The following AFG1L variants were observed in gnomAD, a reference collection of about 807,000 sequenced individuals.
The protein encoded by AFG1L is AFG1 like ATPase.
A neutral mutation model predicts 62.2 loss-of-function variants in AFG1L; 53 were observed. The ratio of observed to expected loss-of-function variants is 0.85; its 90% CI spans 0.68 to 1.07. AFG1L has a LOEUF of 1.07. Among genes scored for constraint, AFG1L ranks in the 50% least tolerant of loss-of-function variants. The probability of loss-of-function intolerance (pLI) is 0.00; values close to 1 mark genes in which losing one functional copy is unlikely to be tolerated. For synonymous variants in AFG1L, 228 were observed against 210.3 expected (o/e 1.08, Z -0.73); for missense variants, 555 against 590.5 (o/e 0.94, Z 0.62).
chr6:108,471,465 CTTCTTTT>C (rs1286594875), intron 8 of AFG1L, among the ~76,000 whole-genome samples: 14 of 110,214 alleles, frequency 1.3e-4, no homozygotes, highest in African/African-American at 4.7e-4. Context: ...TCGTGTTCTT[CTTCTTTT>C]TTTTTTTTTT....
intron 8 of AFG1L, among the ~76,000 whole-genome samples, chr6:108,447,604 GTAAT>G (rs1271525256): frequency 6.6e-6 from 1 of 152,134 alleles, no homozygotes; most frequent in East Asian, 1.9e-4. Context: ...AATGTGTGAA[GTAAT>G]TAATTATTTG....
chr6:108,317,665 C>CT (rs1042830066), intron 1 of AFG1L, among the ~76,000 whole-genome samples: 3 of 152,124 alleles, frequency 2.0e-5, no homozygotes, highest in African/African-American at 7.2e-5. Flanking sequence ...TTCTTGTAGG[C>CT]TTTCATTAGT....
intron 2 of AFG1L, among the ~76,000 whole-genome samples, chr6:108,333,702 A>C (rs1395395282): frequency 6.6e-6 from 1 of 152,248 alleles, no homozygotes; most frequent in Non-Finnish European, 1.5e-5. Flanking sequence ...AGCAGATGCC[A>C]CAAGACTGGA....
intron 10 of AFG1L, among the ~76,000 whole-genome samples, chr6:108,496,001 A>G (rs894333335): frequency 6.6e-6 from 1 of 152,246 alleles, no homozygotes; most frequent in Non-Finnish European, 1.5e-5. Flanking sequence ...TTAGAATAAC[A>G]TACTCAAGGA....
At chr6:108,495,128 T>C (rs1450758665) in intron 10 of AFG1L, among the ~76,000 whole-genome samples, 1 of 152,146 alleles carries the variant, frequency 6.6e-6, no homozygotes, top group Non-Finnish European at 1.5e-5. Context: ...ATAAAAATAG[T>C]CTTAACATCA....
At chr6:108,418,770 C>T (rs1486199001) in intron 7 of AFG1L, among the ~76,000 whole-genome samples, 1 of 152,174 alleles carries the variant, frequency 6.6e-6, no homozygotes, top group Non-Finnish European at 1.5e-5. Context: ...CTTAAATGTA[C>T]ATTCACTGAA....
chr6:108,417,176 G>A (rs72938634), intron 7 of AFG1L, among the ~76,000 whole-genome samples: 7,133 of 151,146 alleles, frequency 0.047, 263 homozygotes, highest in South Asian at 0.18. Flanking sequence ...CCAGGCTGCA[G>A]TAAGCCACGA....
intron 10 of AFG1L, among the ~76,000 whole-genome samples, chr6:108,506,048 G>A (rs1449797575): frequency 6.6e-6 from 1 of 152,124 alleles, no homozygotes; most frequent in Non-Finnish European, 1.5e-5. Context: ...CCTGGACTGT[G>A]GTCACGGGTT....
chr6:108,464,179 G>A (rs1259967395), intron 8 of AFG1L, among the ~76,000 whole-genome samples: 1 of 152,160 alleles, frequency 6.6e-6, no homozygotes, highest in Admixed American at 6.5e-5. Flanking sequence ...CTGTTCCCTT[G>A]AGTCAATCCT....
chr6:108,356,584 A>G (rs1779296510), intron 4 of AFG1L, 106 bp from the exon 5 acceptor site: 1 of 698,512 alleles, frequency 1.4e-6, no homozygotes. Flanking sequence ...GTTTAAACTT[A>G]ATTTTATGTC....
chr6:108,444,091 T>A (rs1202193611), intron 7 of AFG1L, among the ~76,000 whole-genome samples: 2 of 151,664 alleles, frequency 1.3e-5, no homozygotes, highest in Non-Finnish European at 2.9e-5. Flanking sequence ...TATCTATCTA[T>A]CTATCTATCT....
chr6:108,485,660 T>TA (rs1773543907), intron 10 of AFG1L, among the ~76,000 whole-genome samples: 1 of 17,694 alleles, frequency 5.7e-5, no homozygotes, highest in African/African-American at 2.1e-4. Context: ...ATATATATTT[T>TA]TTTTTTTTTT....
At chr6:108,401,145 T>A (rs1582522993) in intron 6 of AFG1L, among the ~76,000 whole-genome samples, 1 of 146,576 alleles carries the variant, frequency 6.8e-6, no homozygotes, top group African/African-American at 2.5e-5. Context: ...TTTTTTTTTT[T>A]TTTTTTTTGA....
At chr6:108,471,688 T>G (rs921659785) in intron 8 of AFG1L, among the ~76,000 whole-genome samples, 1 of 152,098 alleles carries the variant, frequency 6.6e-6, no homozygotes, top group Non-Finnish European at 1.5e-5. Context: ...CTTGAACTCC[T>G]GACCTCTTGA....
chr6:108,488,332 A>G (rs1279909858), intron 10 of AFG1L, among the ~76,000 whole-genome samples: 2 of 152,154 alleles, frequency 1.3e-5, no homozygotes, highest in African/African-American at 4.8e-5. Context: ...AGATCACTAG[A>G]ATGTGAGGCA....
Position 108,384,390 on chromosome 6 carries a change from G to C in AFG1L, c.749-17606G>C, listed in dbSNP as rs577837534. Among the ~76,000 whole-genome samples, 10 of 152,288 alleles carry C rather than the reference G, an allele frequency of 6.6e-5. No individual in the cohort carries two copies. The South Asian group carries it at 2.1e-3, about 32-fold the overall frequency. The stretch of plus-strand genomic sequence containing the variant: ...CATGCATATGCAGGGCAGACTAACA[G>C]CTACCCAACTAGGGGTAGGTCCAGA... On this transcript the variant is annotated intron_variant, in intron 6 of 12. Transcript: ENST00000368977.
intron 10 of AFG1L, among the ~76,000 whole-genome samples, chr6:108,503,887 T>A (rs1774297257): frequency 6.6e-6 from 1 of 152,254 alleles, no homozygotes; most frequent in Non-Finnish European, 1.5e-5. Flanking sequence ...CCTTGAACTT[T>A]CGTTATGGAG....
chr6:108,300,722 G>C (rs1384600842), intron 1 of AFG1L, among the ~76,000 whole-genome samples: 2 of 151,286 alleles, frequency 1.3e-5, no homozygotes, highest in East Asian at 3.9e-4. Context: ...ATCCAGGCTG[G>C]AGTGCAGTGG....
At chr6:108,518,826 G>A (rs1775006009) in intron 11 of AFG1L, among the ~76,000 whole-genome samples, 1 of 152,200 alleles carries the variant, frequency 6.6e-6, no homozygotes, top group South Asian at 2.1e-4. Context: ...GATAATAAAT[G>A]TAGGTTCTGG....
Sources: allele counts gnomAD v4.1 joint callset (sites outside exome capture counted in the v4.1 genomes callset), GRCh38; gene constraint gnomAD v4.1.1; transcripts MANE v1.5; gene names NCBI Gene and HGNC (gene_info 2026-07-23, HGNC 2026-07-21).